Variants in FAU observed in about 807,000 individuals in gnomAD.
The protein encoded by FAU is FAU ubiquitin like and ribosomal protein S30 fusion.
For synonymous variants in FAU, 70 were observed against 69.9 expected (o/e 1.00, Z -0.01); for missense variants, 125 against 173.9 (o/e 0.72, Z 1.58).
intron 3 of FAU, 108 bp from the exon 4 acceptor site, chr11:65,121,144 T>G (rs1948043222): frequency 1.9e-5 from 21 of 1,108,590 alleles, no homozygotes; most frequent in Non-Finnish European, 2.5e-5. Flanking sequence ...GCCCAATAGG[T>G]AATGAGAACA....
intron 3 of FAU, 58 bp from the exon 4 acceptor site, chr11:65,121,094 AC>A (rs768585999): frequency 1.9e-5 from 30 of 1,564,146 alleles, no homozygotes; most frequent in Non-Finnish European, 2.5e-5. Flanking sequence ...ACCCAGCAGA[AC>A]CCCTCTTTTC....
Position 65,120,767 on chromosome 11 carries a change from C to T in FAU, c.316G>A (p.Ala106Thr). The T allele has an allele frequency of 2.5e-6, 4 of 1,614,158 alleles. No individual in the cohort carries two copies. The highest frequency in any genetic ancestry group is 3.4e-6 in the Non-Finnish European group (4 of 1,180,028). ...CGGTTGTACTGCATCCGCCGCTTAG[C>T]CCGACCTGTCTTCTTCTTCTTCTTC... is the stretch of plus-strand genomic sequence containing the variant. ...QEKKKKKTGR[A>T]KRRMQYNRRF... The change falls in exon 5 of 5, where the codon GCT (alanine) becomes ACT (threonine). Residue 106 changes from alanine (A) to threonine (T), a missense_variant. Ala to Thr is a moderately conservative substitution (Grantham distance 58). Coordinates refer to ENST00000529639, the MANE Select transcript of FAU (RefSeq NM_001997.5).
intron 4 of FAU, 71 bp downstream of exon 4, chr11:65,120,910 G>A (rs1353827607): frequency 6.2e-7 from 1 of 1,610,108 alleles, no homozygotes; most frequent in South Asian, 1.1e-5. Flanking sequence ...CCGAGTAAGA[G>A]CCCAGGGACT....
chr11:65,121,658 T>A lies in FAU; in HGVS notation c.76-14A>T, dbSNP rs200175300. ...GGCTACATGAGCCTACAGGGAAAGATAAGGCTCGTAAGCGTTCCCTCGGGC... is the reference window on the plus strand; with the variant it reads ...GGCTACATGAGCCTACAGGGAAAGAAAAGGCTCGTAAGCGTTCCCTCGGGC... On this transcript the variant is annotated splice_polypyrimidine_tract_variant and intron_variant, in intron 2 of 4. Coordinates refer to ENST00000529639, the MANE Select transcript of FAU (RefSeq NM_001997.5). 3 of 1,613,596 alleles carry A rather than the reference T, an allele frequency of 1.9e-6. No homozygotes were observed. The South Asian group carries it at 3.3e-5, about 18-fold the overall frequency.
chr11:65,120,953 C>A (rs1274294390), intron 4 of FAU, 28 bp downstream of exon 4: 1 of 1,613,780 alleles, frequency 6.2e-7, no homozygotes, highest in Admixed American at 1.7e-5. Flanking sequence ...AAAGTCCTAA[C>A]ACCATGACCA....
At chr11:65,121,160 G>T in intron 3 of FAU, 124 bp from the exon 4 acceptor site, 1 of 995,616 alleles carries the variant, frequency 1.0e-6, no homozygotes, top group Admixed American at 2.3e-5. Context: ...GAACAAAGTT[G>T]CAGATATTTG....
In FAU at chr11:65,121,374, ACT is replaced by A. The variant is rs1948045370; in HGVS notation, c.220+124_220+125del. 3 of 1,278,464 alleles carry A rather than the reference ACT, an allele frequency of 2.3e-6. No homozygotes were observed. In the Admixed American group the frequency reaches 7.0e-5, roughly 30 times the overall value. 79.2% of individuals were successfully genotyped at this position (1,278,464 alleles called of 1,614,324 possible). ...ATGAGGGATGTAAACAGGAAGAATC[ACT>A]CTGAACTGAAGACAGTGAGAAGTAC... On this transcript the variant is annotated intron_variant, in intron 3 of 4. Coordinates refer to ENST00000529639, the MANE Select transcript of FAU (RefSeq NM_001997.5).
rs760417353 is a variant in FAU, at chr11:65,120,768, C to T, written c.315G>A (p.Arg105=). The T allele has an allele frequency of 3.7e-6, 6 of 1,614,176 alleles. No individual in the cohort carries two copies. The highest frequency in any genetic ancestry group is 4.2e-6 in the Non-Finnish European group (5 of 1,180,040). ...GGTTGTACTGCATCCGCCGCTTAGC[C>T]CGACCTGTCTTCTTCTTCTTCTTCT... The part of the protein sequence containing the change: ...KQEKKKKKTG[R]AKRRMQYNRR... Residue 105 remains arginine (R), a synonymous_variant, in exon 5 of 5, where the codon CGG becomes CGA. Transcript: ENST00000529639.
At chr11:65,121,414 G>C in intron 3 of FAU, 86 bp downstream of exon 3, 1 of 1,491,822 alleles carries the variant, frequency 6.7e-7, no homozygotes. Flanking sequence ...TATTACCATA[G>C]GTGTGACACT....
chr11:65,121,877 G>T, intron 1 of FAU, 56 bp from the exon 2 acceptor site: 1 of 1,567,326 alleles, frequency 6.4e-7, no homozygotes, highest in South Asian at 1.1e-5. Context: ...TGGGATAAAG[G>T]AGATTTGGGA....
rs756866808 is a variant in FAU, at chr11:65,122,080, C to A, written c.-9+10G>T. 42 of 599,540 alleles carry A rather than the reference C, an allele frequency of 7.0e-5. No individual in the cohort carries two copies. The highest frequency in any genetic ancestry group is 1.1e-4 in the Non-Finnish European group (37 of 338,414). 37.1% of individuals were successfully genotyped at this position (599,540 alleles called of 1,614,324 possible). On this transcript the variant is annotated intron_variant, in intron 1 of 4. Transcript: ENST00000529639. ...AAGCCCTTCGGATCCAGCCAAGGCC[C>A]CATTCTTACCTGAACGGCGGTCCCA...
At chr11:65,121,672 G>C (rs1170161609) in intron 2 of FAU, 28 bp from the exon 3 acceptor site, 1 of 1,613,634 alleles carries the variant, frequency 6.2e-7, no homozygotes, top group Non-Finnish European at 8.5e-7. Flanking sequence ...GCTCGTAAGC[G>C]TTCCCTCGGG....
rs1948048145 is a variant in FAU at position 65,121,575 on chromosome 11, C to G, written c.145G>C (p.Glu49Gln). 1 of 1,613,924 alleles carries G rather than the reference C, an allele frequency of 6.2e-7. No homozygotes were observed. The highest frequency in any genetic ancestry group is 8.5e-7 in the Non-Finnish European group (1 of 1,180,044). Residue 49 changes from glutamate to glutamine, a missense_variant, in exon 3 of 5, where the codon GAG (glutamate) becomes CAG (glutamine). Glu to Gln is a conservative substitution (Grantham distance 29). Coordinates refer to ENST00000529639, the MANE Select transcript of FAU (RefSeq NM_001997.5). Reference protein sequence around the residue: ...QVVLLAGAPLEDEATLGQCGV... With the variant: ...QVVLLAGAPLQDEATLGQCGV... Reference sequence around the variant, plus strand: ...CACTGGCCCAGAGTGGCCTCATCCTCCAGGGGCGCGCCTGCCAGGAGCACG... The same window carrying G: ...CACTGGCCCAGAGTGGCCTCATCCTGCAGGGGCGCGCCTGCCAGGAGCACG...
chr11:65,121,362 A>G (rs970126824), intron 3 of FAU, 138 bp downstream of exon 3: 34 of 1,199,836 alleles, frequency 2.8e-5, no homozygotes, highest in Admixed American at 1.5e-4. Context: ...AGGGATGTAA[A>G]CAGGAAGAAT....
rs191176509 is a variant in FAU at position 65,121,208 on chromosome 11, C to A, written c.221-172G>T. The A allele has an allele frequency of 1.2e-5, 10 of 808,310 alleles. 1 individual carries two copies. The Admixed American group carries it at 2.0e-4, about 16-fold the overall frequency. The allele number at this position is 808,310 out of a possible 1,614,324, so 50.1% of individuals were successfully genotyped here. On this transcript the variant is annotated intron_variant, in intron 3 of 4. Coordinates refer to ENST00000529639, the MANE Select transcript of FAU (RefSeq NM_001997.5). ...TAAGTTTCATTTCAGGATCTTCCAGCTTCTAATTTTATAGAGCACTTTGGG... is the reference window on the plus strand; with the variant it reads ...TAAGTTTCATTTCAGGATCTTCCAGATTCTAATTTTATAGAGCACTTTGGG...
chr11:65,121,390 A>T, intron 3 of FAU, 110 bp downstream of exon 3: 1 of 1,381,116 alleles, frequency 7.2e-7, no homozygotes, highest in Non-Finnish European at 9.9e-7. Flanking sequence ...AACTGAAGAC[A>T]GTGAGAAGTA....
At chr11:65,121,338 C>G (rs1192160407) in intron 3 of FAU, 162 bp downstream of exon 3, 11 of 969,412 alleles carry the variant, frequency 1.1e-5, no homozygotes, top group Non-Finnish European at 1.7e-5. Context: ...CCATGGACGT[C>G]TGTGTTCAAC....
chr11:65,121,920 A>T (rs1235936620), intron 1 of FAU, 99 bp from the exon 2 acceptor site: 4 of 1,260,008 alleles, frequency 3.2e-6, no homozygotes, highest in Admixed American at 4.1e-5. Flanking sequence ...TCGCGACGGG[A>T]TGGTGGTCGC....
chr11:65,121,279 T>A (rs1424523930), intron 3 of FAU: 2 of 741,480 alleles, frequency 2.7e-6, no homozygotes, highest in Non-Finnish European at 4.3e-6. Context: ...ATAACCAGAC[T>A]AGGATCTCGT....
Sources: gnomAD v4.1 joint callset for allele counts on GRCh38, gnomAD v4.1.1 for gene constraint, MANE v1.5 for transcripts, NCBI Gene and HGNC (gene_info 2026-07-23, HGNC 2026-07-21) for gene names.